CCDC171: variants seen among roughly 807,000 people sequenced by gnomAD.
CCDC171 encodes coiled-coil domain-containing protein 171.
CCDC171 carries 177 observed loss-of-function variants against 168.2 expected under a neutral mutation model. The observed-to-expected ratio is 1.05, with a 90% CI of 0.93 to 1.19. The LOEUF is 1.19. Among genes scored for constraint, CCDC171 ranks in the 50% most tolerant of loss-of-function variants. CCDC171 has a pLI of 0.00. For missense variants in CCDC171, 1,991 were observed against 1,539.0 expected, an observed-to-expected ratio of 1.29 and a Z score of -4.91; for synonymous variants, 687 against 540.8, an observed-to-expected ratio of 1.27 and a Z score of -3.75.
chr9:15,973,551 T>C lies in CCDC171; in HGVS notation c.*1715T>C, dbSNP rs762673411. On this transcript the variant is annotated 3_prime_UTR_variant, in exon 26 of 26. Coordinates refer to ENST00000380701, the MANE Select transcript of CCDC171 (RefSeq NM_173550.4). ...TTTATATAAAACTTTAGAAAGCTTA[T>C]ATGGAGTAAAATTATATCTTTAACC... is the stretch of plus-strand genomic sequence containing the variant. 3 of 152,204 alleles carry C rather than the reference T, an allele frequency of 2.0e-5. No homozygotes were observed. Among genetic ancestry groups the C allele is most frequent in the Non-Finnish European group, 4.4e-5 (3 of 68,030 alleles). The allele number at this position is 152,204 out of a possible 1,614,324, so 9.4% of individuals were successfully genotyped here. A position where few individuals can be genotyped will look rare whatever the true frequency, so the allele number is the denominator to read the frequency against.
the CCDC171 span, among the ~76,000 whole-genome samples, chr9:16,098,530 G>A: frequency 3.3e-5 from 5 of 152,190 alleles, no homozygotes; most frequent in Admixed American, 3.3e-4. Context: ...ATTTCCCTGA[G>A]CCCCAGTTTT....
chr9:15,945,691 T>A (rs1249368668), intron 25 of CCDC171, among the ~76,000 whole-genome samples: 1 of 150,978 alleles, frequency 6.6e-6, no homozygotes, highest in Non-Finnish European at 1.5e-5. Flanking sequence ...TTGAGTAGTG[T>A]CTGTTCATGT....
intron 23 of CCDC171, among the ~76,000 whole-genome samples, chr9:15,856,844 G>C (rs1316840165): frequency 6.6e-6 from 1 of 151,956 alleles, no homozygotes; most frequent in Non-Finnish European, 1.5e-5. Flanking sequence ...ATGGGTTCCA[G>C]TTTCTCCACA....
At chr9:15,602,199 A>G (rs564672037) in intron 6 of CCDC171, among the ~76,000 whole-genome samples, 2 of 151,650 alleles carry the variant, frequency 1.3e-5, no homozygotes, top group East Asian at 3.9e-4. Flanking sequence ...TTATACATCA[A>G]TCTTAAGAAA....
intron 21 of CCDC171, among the ~76,000 whole-genome samples, chr9:15,839,548 C>G (rs2060586440): frequency 6.6e-6 from 1 of 152,080 alleles, no homozygotes; most frequent in African/African-American, 2.4e-5. Context: ...TACTATATAC[C>G]TCACTGGATT....
the CCDC171 span, among the ~76,000 whole-genome samples, chr9:16,093,263 C>G: frequency 6.6e-6 from 1 of 152,232 alleles, no homozygotes; most frequent in African/African-American, 2.4e-5. Context: ...CCTTCCCTCA[C>G]TGATCCTTAT....
At chr9:15,943,031 A>G (rs1216811304) in intron 25 of CCDC171, among the ~76,000 whole-genome samples, 1 of 151,932 alleles carries the variant, frequency 6.6e-6, no homozygotes, top group African/African-American at 2.4e-5. Flanking sequence ...CCTGAGTTAA[A>G]CTGCTGGCTG....
intron 20 of CCDC171, among the ~76,000 whole-genome samples, chr9:15,779,442 C>A (rs1029725651): frequency 2.0e-5 from 3 of 152,084 alleles, no homozygotes; most frequent in Admixed American, 6.6e-5. Context: ...TCACTGCAAC[C>A]TCTGCCCCCC....
At chr9:16,003,846 C>T (rs867761485) in intron 3 of CCDC171, among the ~76,000 whole-genome samples, 1 of 152,186 alleles carries the variant, frequency 6.6e-6, no homozygotes, top group Non-Finnish European at 1.5e-5. Context: ...ATATTTCAAC[C>T]TCCAAAATGC....
intron 10 of CCDC171, among the ~76,000 whole-genome samples, chr9:15,687,575 G>C (rs79193162): frequency 0.026 from 3,923 of 152,122 alleles, 177 homozygotes; most frequent in African/African-American, 0.09. Flanking sequence ...TTAAAAAATA[G>C]AGGAAATCAG....
At chr9:15,764,603 A>G (rs1423013349) in intron 18 of CCDC171, among the ~76,000 whole-genome samples, 1 of 152,216 alleles carries the variant, frequency 6.6e-6, no homozygotes, top group Admixed American at 6.5e-5. Context: ...ACAAGTAGGA[A>G]GAGAAAATCA....
In CCDC171 at chr9:15,819,321, A is replaced by G. The variant is rs1390320905; in HGVS notation, c.3268-27381A>G. Among the ~76,000 whole-genome samples, 10 of 117,722 alleles carry G rather than the reference A, an allele frequency of 8.5e-5. 4 individuals carry two copies. Among genetic ancestry groups the G allele is most frequent in the Non-Finnish European group, 1.9e-4 (10 of 52,448 alleles). The allele number at this position is 117,722 out of a possible 152,430, so 77.2% of individuals were successfully genotyped here. A position where few individuals can be genotyped will look rare whatever the true frequency, so the allele number is the denominator to read the frequency against. ...AATAACCAGCTAACATCATAATGAC[A>G]GGATCAGATTCACACATAACAATAT... is the stretch of plus-strand genomic sequence containing the variant. On this transcript the variant is annotated intron_variant, in intron 21 of 25. Coordinates refer to ENST00000380701, the MANE Select transcript of CCDC171 (RefSeq NM_173550.4).
chr9:15,834,331 G>A (rs1361411834), intron 21 of CCDC171, among the ~76,000 whole-genome samples: 1 of 152,174 alleles, frequency 6.6e-6, no homozygotes, highest in Non-Finnish European at 1.5e-5. Flanking sequence ...GCATGATTAA[G>A]TGGCAATGTT....
At chr9:16,041,707 A>T (rs768556614), upstream of CCDC171, among the ~76,000 whole-genome samples, 1 of 152,222 alleles carries the variant, frequency 6.6e-6, no homozygotes, top group Non-Finnish European at 1.5e-5. Context: ...AAATTTCCTT[A>T]TTGGTGATTT....
At chr9:15,782,368 T>C (rs1433837745) in intron 20 of CCDC171, among the ~76,000 whole-genome samples, 1 of 152,232 alleles carries the variant, frequency 6.6e-6, no homozygotes, top group Non-Finnish European at 1.5e-5. Context: ...CTCTTTCTTA[T>C]TCTGCGTTGC....
chr9:15,951,346 T>C (rs148324792), intron 25 of CCDC171, among the ~76,000 whole-genome samples: 2,251 of 152,152 alleles, frequency 0.015, 58 homozygotes, highest in African/African-American at 0.05. Context: ...ACACCACACC[T>C]ATTCCAAAAT....
At chr9:15,753,992 A>G (rs180924643) in intron 18 of CCDC171, among the ~76,000 whole-genome samples, 148 of 152,298 alleles carry the variant, frequency 9.7e-4, no homozygotes, top group Non-Finnish European at 1.8e-3. Context: ...GTTTGTTTAT[A>G]TAATATTTTT....
intron 18 of CCDC171, among the ~76,000 whole-genome samples, chr9:15,753,825 A>G (rs1324899792): frequency 2.0e-5 from 3 of 152,168 alleles, no homozygotes; most frequent in Non-Finnish European, 4.4e-5. Flanking sequence ...AGAATTATTG[A>G]TGTATCACAG....
chr9:15,603,448 CCT>C (rs2131691952), intron 6 of CCDC171, among the ~76,000 whole-genome samples: 1 of 152,276 alleles, frequency 6.6e-6, no homozygotes, highest in Non-Finnish European at 1.5e-5. Flanking sequence ...TGTTCCCCTC[CCT>C]GTGTCCATGT....
Sources: gnomAD v4.1 joint callset for allele counts (sites outside exome capture counted in the v4.1 genomes callset) on GRCh38, gnomAD v4.1.1 for gene constraint, MANE v1.5 for transcripts, NCBI Gene and HGNC (gene_info 2026-07-23, HGNC 2026-07-21) for gene names.